Variants in FRG1 observed in about 807,000 individuals in gnomAD.
The protein encoded by FRG1 is FSHD region gene 1.
In FRG1, 19 loss-of-function variants were observed where a neutral mutation model predicts 37.0. The observed-to-expected ratio is 0.51, with a 90% CI of 0.36 to 0.75. FRG1 has a LOEUF of 0.75. Ranked by LOEUF, FRG1 falls within the 30% of genes least tolerant of loss-of-function variation. FRG1 has a pLI of 0.00. For missense variants in FRG1, 243 were observed against 301.4 expected (o/e 0.81, Z 1.44); for synonymous variants, 73 against 96.5 (o/e 0.76, Z 1.43).
chr4:189,955,378 T>C (rs1393529762), intron 5 of FRG1, among the ~76,000 whole-genome samples: 1 of 152,222 alleles, frequency 6.6e-6, no homozygotes, highest in Non-Finnish European at 1.5e-5. Flanking sequence ...CCTTAGTGCC[T>C]AGATATGGAT....
At chr4:189,961,627 C>T (rs537547783) in intron 7 of FRG1, 195 bp from the exon 8 acceptor site, 41 of 395,724 alleles carry the variant, frequency 1.0e-4, no homozygotes, top group East Asian at 6.0e-4. Flanking sequence ...AGGCTGTTCT[C>T]GAACTCCTGA....
intron 2 of FRG1, among the ~76,000 whole-genome samples, chr4:189,949,698 A>G (rs914033421): frequency 5.9e-5 from 9 of 152,216 alleles, no homozygotes; most frequent in African/African-American, 2.2e-4. Flanking sequence ...CTTGCTAATC[A>G]TAACACTGTT....
chr4:189,943,373 T>G (rs575835966), intron 2 of FRG1, 101 bp downstream of exon 2: 2 of 1,324,156 alleles, frequency 1.5e-6, no homozygotes, highest in South Asian at 3.1e-5. Flanking sequence ...TATTCATATT[T>G]GTCTTAAAGT....
Position 189,955,100 on chromosome 4 carries a change from G to T in FRG1, c.381G>T (p.Gly127=). The T allele has an allele frequency of 3.7e-6, 6 of 1,613,528 alleles. No individual in the cohort carries two copies. Among genetic ancestry groups the T allele is most frequent in the Non-Finnish European group, 5.1e-6 (6 of 1,179,578 alleles). ...LGINSDGLVV[G]RSDAIGPREQ... ...TAAATTCAGATGGACTTGTTGTTGGGCGTTCAGATGCAATTGGACCAAGAG... is the reference window on the plus strand; with the variant it reads ...TAAATTCAGATGGACTTGTTGTTGGTCGTTCAGATGCAATTGGACCAAGAG... Residue 127 remains glycine, a synonymous_variant, in exon 5 of 9, where the codon GGG becomes GGT. Coordinates refer to ENST00000226798, the MANE Select transcript of FRG1 (RefSeq NM_004477.3).
At chr4:189,962,644 A>G (rs1240296125) in intron 8 of FRG1, among the ~76,000 whole-genome samples, 2 of 152,178 alleles carry the variant, frequency 1.3e-5, no homozygotes, top group Non-Finnish European at 2.9e-5. Context: ...TAAAGTCAGT[A>G]AATAATGTTA....
intron 2 of FRG1, among the ~76,000 whole-genome samples, chr4:189,945,222 T>C (rs895269947): frequency 6.6e-6 from 1 of 152,328 alleles, no homozygotes; most frequent in African/African-American, 2.4e-5. Flanking sequence ...TTTTACTTCT[T>C]TCTTTCTAAT....
At chr4:189,954,188 T>G (rs2126813497) in intron 4 of FRG1, among the ~76,000 whole-genome samples, 1 of 152,112 alleles carries the variant, frequency 6.6e-6, no homozygotes, top group East Asian at 1.9e-4. Flanking sequence ...TTCAAGTATT[T>G]TTTTAAAGTC....
chr4:189,949,832 GATTA>G (rs1736679520), intron 2 of FRG1, among the ~76,000 whole-genome samples: 2 of 152,116 alleles, frequency 1.3e-5, no homozygotes, highest in Admixed American at 6.5e-5. Flanking sequence ...TTTTAATTTT[GATTA>G]ATTTTCTTTT....
At chr4:189,954,997 C>T (rs756962835) in intron 4 of FRG1, 40 bp from the exon 5 acceptor site, 1 of 1,262,266 alleles carries the variant, frequency 7.9e-7, no homozygotes, top group East Asian at 2.4e-5. Context: ...AATTAATTTT[C>T]TCTCAGTCTT....
intron 5 of FRG1, among the ~76,000 whole-genome samples, chr4:189,955,567 G>T (rs1736948486): frequency 6.6e-6 from 1 of 151,996 alleles, no homozygotes; most frequent in Non-Finnish European, 1.5e-5. Context: ...AATAATAATA[G>T]TTCATTGAAG....
chr4:189,961,146 C>A, intron 7 of FRG1: 2 of 205,128 alleles, frequency 9.8e-6, no homozygotes, highest in Non-Finnish European at 2.0e-5. Context: ...CTTTTCTTTT[C>A]TTGAGGCTTC....
chr4:189,957,141 C>A (rs1737015389), intron 5 of FRG1, among the ~76,000 whole-genome samples: 1 of 152,182 alleles, frequency 6.6e-6, no homozygotes, highest in Admixed American at 6.5e-5. Context: ...AGGAAGCAAT[C>A]CTACCTCATC....
chr4:189,948,567 G>T (rs1408401316), intron 2 of FRG1, among the ~76,000 whole-genome samples: 2 of 152,108 alleles, frequency 1.3e-5, no homozygotes, highest in Non-Finnish European at 2.9e-5. Flanking sequence ...ATTTAAGGGG[G>T]CCCTTAGCAC....
intron 2 of FRG1, among the ~76,000 whole-genome samples, chr4:189,948,169 A>G (rs1323301889): frequency 6.6e-6 from 1 of 152,002 alleles, no homozygotes; most frequent in Non-Finnish European, 1.5e-5. Context: ...GCATGTGCCT[A>G]TTTGTGAAGG....
intron 1 of FRG1, among the ~76,000 whole-genome samples, chr4:189,941,673 T>G (rs78282424): frequency 1.3e-5 from 2 of 152,208 alleles, no homozygotes; most frequent in African/African-American, 2.4e-5. Flanking sequence ...CTTTCAGACG[T>G]TTTTTATACT....
At chr4:189,956,579 G>A (rs1443364536) in intron 5 of FRG1, among the ~76,000 whole-genome samples, 1 of 152,140 alleles carries the variant, frequency 6.6e-6, no homozygotes, top group Non-Finnish European at 1.5e-5. Context: ...CTCACCAGGA[G>A]CCATCCAGAT....
intron 1 of FRG1, chr4:189,942,011 C>T (rs1475696575): frequency 9.0e-6 from 2 of 222,960 alleles, no homozygotes; most frequent in South Asian, 9.2e-5. Context: ...GCAGGTTTAT[C>T]CTGAATGAAT....
intron 1 of FRG1, among the ~76,000 whole-genome samples, chr4:189,941,679 A>T (rs1169738684): frequency 6.6e-6 from 1 of 152,222 alleles, no homozygotes; most frequent in Non-Finnish European, 1.5e-5. Context: ...GACGTTTTTT[A>T]TACTTTTAGA....
chr4:189,961,869 A>C lies in FRG1; in HGVS notation c.677A>C (p.Glu226Ala). The change falls in exon 8 of 9, where the codon GAA (glutamate) becomes GCA (alanine). Residue 226 changes from glutamate to alanine, a missense_variant. Glu to Ala is a moderately radical substitution (Grantham distance 107, BLOSUM62 -1). Coordinates refer to ENST00000226798, the MANE Select transcript of FRG1 (RefSeq NM_004477.3). ...GACCACAAACTTAAAATAAGTAAAG[A>C]AGACAGTAAAATTCTTAAAAAGGCT... ...FQDHKLKISK[E>A]DSKILKKARK... The C allele has an allele frequency of 6.3e-7, 1 of 1,598,472 alleles. No homozygotes were observed. Among genetic ancestry groups the C allele is most frequent in the Non-Finnish European group, 8.5e-7 (1 of 1,172,568 alleles).
Sources: allele counts gnomAD v4.1 joint callset (sites outside exome capture counted in the v4.1 genomes callset), GRCh38; gene constraint gnomAD v4.1.1; transcripts MANE v1.5; gene names NCBI Gene and HGNC (gene_info 2026-07-23, HGNC 2026-07-21).